Variants in NID2 observed in about 807,000 individuals in gnomAD.
The protein encoded by NID2 is nidogen-2.
A neutral mutation model predicts 145.4 loss-of-function variants in NID2; 83 were observed. The ratio of observed to expected loss-of-function variants is 0.57; its 90% CI spans 0.48 to 0.69. The LOEUF is 0.69. NID2 is among the 30% of genes least tolerant of loss of function. NID2 has a pLI of 0.00. For synonymous variants in NID2, 739 were observed against 701.3 expected (o/e 1.05, Z -0.85); for missense variants, 1,807 against 1,765.7 (o/e 1.02, Z -0.42).
In NID2 at chr14:52,068,113, C is replaced by T. The variant is rs773924957; in HGVS notation, c.279G>A (p.Gln93=). The T allele has an allele frequency of 5.6e-6, 9 of 1,613,448 alleles. No homozygotes were observed. The highest frequency in any genetic ancestry group is 7.6e-6 in the Non-Finnish European group (9 of 1,179,930). The stretch of plus-strand genomic sequence containing the variant: ...CGGTGGGGAAATCATAGTCCACATA[C>T]TGCGTTTCCCTGGGGAAGTCCTGAG... The part of the protein sequence containing the change: ...ISTQDFPRET[Q]YVDYDFPTDF... The change falls in exon 2 of 22, where the codon CAG becomes CAA. Residue 93 remains glutamine (Q), a synonymous_variant. Transcript: ENST00000216286.
intron 9 of NID2, among the ~76,000 whole-genome samples, chr14:52,030,730 A>G (rs997996027): frequency 6.6e-6 from 1 of 152,088 alleles, no homozygotes; most frequent in African/African-American, 2.4e-5. Flanking sequence ...CCATGCTTGT[A>G]GTCCCAGCTA....
At chr14:52,039,324 G>A (rs542038358) in intron 8 of NID2, among the ~76,000 whole-genome samples, 5 of 152,196 alleles carry the variant, frequency 3.3e-5, no homozygotes, top group Non-Finnish European at 7.3e-5. Flanking sequence ...GGCTCACAAA[G>A]GTTAAGTAGC....
At chr14:52,008,089 T>A (rs1890862740) in intron 18 of NID2, 122 bp from the exon 19 acceptor site, 1 of 742,718 alleles carries the variant, frequency 1.3e-6, no homozygotes, top group Admixed American at 3.3e-5. Flanking sequence ...TCCCCTTGAG[T>A]TTGGGCTGCA....
At chr14:52,006,048 C>CATG in intron 20 of NID2, 199 bp from the exon 21 acceptor site, 1 of 563,660 alleles carries the variant, frequency 1.8e-6, no homozygotes, top group Non-Finnish European at 3.2e-6. Context: ...GTTAGAATCA[C>CATG]ATGATGAGCT....
At chr14:52,045,065 A>T (rs915396417) in intron 5 of NID2, among the ~76,000 whole-genome samples, 3 of 151,954 alleles carry the variant, frequency 2.0e-5, no homozygotes, top group African/African-American at 7.3e-5. Flanking sequence ...ACTCTCCACG[A>T]CCCCTTCAAT....
Position 52,068,809 on chromosome 14 carries a change from C to T in NID2, c.186G>A (p.Ala62=). 5 of 1,609,662 alleles carry T rather than the reference C, an allele frequency of 3.1e-6. No individual in the cohort carries two copies. The highest frequency in any genetic ancestry group is 4.2e-6 in the Non-Finnish European group (5 of 1,179,966). Residue 62 remains alanine (A), a synonymous_variant, in exon 1 of 22, where the codon GCG becomes GCA. Transcript: ENST00000216286. ...GGGCTTCGTAGAAGTGCAGGGGATT[C>T]GCCAGCTTCACCACGGCTGAGCTTT... The part of the protein sequence containing the change: ...DDESSAVVKL[A]NPLHFYEARF...
At chr14:52,006,726 G>GAT (rs1890799758) in intron 19 of NID2, 66 bp from the exon 20 acceptor site, 1 of 1,545,856 alleles carries the variant, frequency 6.5e-7, no homozygotes, top group South Asian at 1.1e-5. Flanking sequence ...GTGACATAGT[G>GAT]ATAGTGACAC....
chr14:52,046,233 G>T (rs920267248), intron 5 of NID2, among the ~76,000 whole-genome samples: 4 of 146,828 alleles, frequency 2.7e-5, no homozygotes, highest in Non-Finnish European at 5.9e-5. Flanking sequence ...TGAGGCAGGA[G>T]AATGGCGTGA....
At chr14:52,055,930 C>CTTGTGTGTAT (rs202240280) in intron 3 of NID2, among the ~76,000 whole-genome samples, 3 of 148,752 alleles carry the variant, frequency 2.0e-5, no homozygotes, top group Non-Finnish European at 4.5e-5. Context: ...ATGTCTTTCT[C>CTTGTGTGTAT]TTGTGTGTGT....
chr14:52,006,493 A>G, intron 20 of NID2, 44 bp downstream of exon 20: 1 of 1,610,894 alleles, frequency 6.2e-7, no homozygotes, highest in Non-Finnish European at 8.5e-7. Flanking sequence ...TGTCCTCTGG[A>G]ACAGTTGGCC....
chr14:52,037,694 A>T (rs1892121042), intron 9 of NID2, among the ~76,000 whole-genome samples: 1 of 152,198 alleles, frequency 6.6e-6, no homozygotes, highest in South Asian at 2.1e-4. Flanking sequence ...GAGCCAGCTG[A>T]GATTCTGATA....
chr14:52,040,973 A>C (rs1368243759), intron 7 of NID2, 122 bp from the exon 8 acceptor site: 1 of 812,392 alleles, frequency 1.2e-6, no homozygotes, highest in Non-Finnish European at 2.0e-6. Context: ...AGATTATCTG[A>C]TATCTGAGAG....
At chr14:52,012,839 A>G (rs922763693) in intron 16 of NID2, among the ~76,000 whole-genome samples, 1 of 152,240 alleles carries the variant, frequency 6.6e-6, no homozygotes, top group South Asian at 2.1e-4. Flanking sequence ...TGCAAAGCCA[A>G]CATTCAGGGG....
chr14:52,011,742 C>T, intron 16 of NID2, 59 bp from the exon 17 acceptor site: 2 of 1,599,734 alleles, frequency 1.3e-6, no homozygotes, highest in Admixed American at 1.7e-5. Flanking sequence ...TTTGTTCACA[C>T]TCAGCTGCCT....
chr14:52,038,637 A>G, intron 9 of NID2, 110 bp downstream of exon 9: 1 of 795,590 alleles, frequency 1.3e-6, no homozygotes, highest in Non-Finnish European at 2.0e-6. Flanking sequence ...CCTTATACCT[A>G]GCACATAACA....
chr14:52,060,363 G>GT lies in NID2; in HGVS notation c.535-8_535-7insA, dbSNP rs1892986124. ...CTGCCTGGAAAGTGTTCAGCTGTGAGGAAAAAAAAAAAAAAAGAGAGAGAG... is the reference window on the plus strand; with the variant it reads ...CTGCCTGGAAAGTGTTCAGCTGTGAGTGAAAAAAAAAAAAAAAGAGAGAGAG... On this transcript the variant is annotated splice_region_variant and splice_polypyrimidine_tract_variant and intron_variant, in intron 2 of 21. Transcript: ENST00000216286. 2.8e-5 allele frequency: 29 copies of GT among 1,031,826 alleles called. No individual in the cohort carries two copies. Among genetic ancestry groups the GT allele is most frequent in the African/African-American group, 4.0e-5 (2 of 50,364 alleles). 63.9% of individuals were successfully genotyped at this position (1,031,826 alleles called of 1,614,324 possible). A position where few individuals can be genotyped will look rare whatever the true frequency, so the allele number is the denominator to read the frequency against.
At chr14:52,028,558 G>A in intron 11 of NID2, 164 bp downstream of exon 11, 1 of 734,242 alleles carries the variant, frequency 1.4e-6, no homozygotes. Context: ...ACAGGCGTGA[G>A]CCACCACATC....
intron 16 of NID2, 121 bp from the exon 17 acceptor site, chr14:52,011,804 CAG>C (rs1478356382): frequency 2.5e-6 from 3 of 1,216,314 alleles, no homozygotes; most frequent in Admixed American, 1.8e-5. Flanking sequence ...CTGCAGGCAA[CAG>C]AGCAGAGTAG....
chr14:52,067,940 G>T lies in NID2; in HGVS notation c.452C>A (p.Thr151Asn), dbSNP rs747491056. ...GGTGGCCAGGAAGGCGTGGGTGGGG[G>T]TAAAGCGCGCAGAGCGCGGGAAGCC... Reference protein sequence around the residue: ...RAGFPRSARFTPTHAFLATWE... With the variant: ...RAGFPRSARFNPTHAFLATWE... Residue 151 changes from threonine (T) to asparagine (N), a missense_variant, in exon 2 of 22, where the codon ACC becomes AAC. By Grantham distance (65) the Thr-to-Asn change is moderately conservative. Coordinates refer to ENST00000216286, the MANE Select transcript of NID2 (RefSeq NM_007361.4). 2 of 1,612,078 alleles carry T rather than the reference G, an allele frequency of 1.2e-6. No homozygotes were observed. Among genetic ancestry groups the T allele is most frequent in the Admixed American group, 3.4e-5 (2 of 59,508 alleles).
Sources: allele counts gnomAD v4.1 joint callset (sites outside exome capture counted in the v4.1 genomes callset), GRCh38; gene constraint gnomAD v4.1.1; transcripts MANE v1.5; gene names NCBI Gene and HGNC (gene_info 2026-07-23, HGNC 2026-07-21).